LRP1B: variants seen among roughly 807,000 people sequenced by gnomAD.
The protein encoded by LRP1B is low-density lipoprotein receptor-related protein 1B.
In LRP1B, 217 loss-of-function variants were observed where a neutral mutation model predicts 556.6. The observed-to-expected ratio is 0.39, with a 90% CI of 0.35 to 0.44. The LOEUF (loss-of-function observed/expected upper bound fraction) is 0.44. LRP1B is among the 20% of genes least tolerant of loss of function. The pLI is 1.00. For synonymous variants in LRP1B, 2,047 were observed against 1,865.8 expected, an observed-to-expected ratio of 1.10 and a Z score of -2.50; for missense variants, 5,053 against 5,620.8, an observed-to-expected ratio of 0.90 and a Z score of 3.23.
rs188021955 is a variant in LRP1B at position 140,768,440 on chromosome 2, C to A, written c.5758+773G>T. Among the ~76,000 whole-genome samples the A allele has an allele frequency of 2.8e-3, 420 of 151,928 alleles. 2 individuals are homozygous for A. Among genetic ancestry groups the A allele is most frequent in the Non-Finnish European group, 4.1e-3 (276 of 67,848 alleles). On this transcript the variant is annotated intron_variant, in intron 35 of 90. Transcript: ENST00000389484. ...CATGTTCAACATTAAAACATTAATTCAGAAAACATACGATTTAGCATTTAT... is the reference window on the plus strand; with the variant it reads ...CATGTTCAACATTAAAACATTAATTAAGAAAACATACGATTTAGCATTTAT...
At chr2:141,125,860 AAC>A (rs1553463688) in intron 7 of LRP1B, among the ~76,000 whole-genome samples, 2 of 150,524 alleles carry the variant, frequency 1.3e-5, no homozygotes, top group African/African-American at 4.9e-5. Context: ...AAAAAAAAAA[AAC>A]AAAAAACCTC....
intron 1 of LRP1B, among the ~76,000 whole-genome samples, chr2:142,043,458 A>C (rs1301669303): frequency 6.6e-6 from 1 of 151,764 alleles, no homozygotes; most frequent in East Asian, 1.9e-4. Flanking sequence ...GCAATAAAGC[A>C]TCCCTTTTTT....
chr2:142,086,885 A>C (rs1705958472), intron 1 of LRP1B, among the ~76,000 whole-genome samples: 1 of 152,134 alleles, frequency 6.6e-6, no homozygotes, highest in Non-Finnish European at 1.5e-5. Flanking sequence ...TCACGAAAGC[A>C]ATATTCCTTA....
At chr2:141,076,667 A>C (rs1699794017) in intron 7 of LRP1B, among the ~76,000 whole-genome samples, 1 of 152,188 alleles carries the variant, frequency 6.6e-6, no homozygotes, top group Admixed American at 6.5e-5. Flanking sequence ...TAATAGCAAA[A>C]TATTAGAAAC....
intron 18 of LRP1B, among the ~76,000 whole-genome samples, chr2:140,976,764 G>C (rs1224836248): frequency 6.6e-6 from 1 of 151,886 alleles, no homozygotes; most frequent in African/African-American, 2.4e-5. Flanking sequence ...ACCTACCTCA[G>C]CTTCCCAAAG....
At chr2:140,908,339 A>C (rs947626717) in intron 21 of LRP1B, among the ~76,000 whole-genome samples, 19 of 129,982 alleles carry the variant, frequency 1.5e-4, no homozygotes, top group Non-Finnish European at 2.5e-4. Context: ...CTCTCTATAT[A>C]TATATACATA....
intron 2 of LRP1B, among the ~76,000 whole-genome samples, chr2:141,640,106 AC>A (rs1167202206): frequency 2.0e-5 from 3 of 152,164 alleles, no homozygotes; most frequent in African/African-American, 7.2e-5. Flanking sequence ...ATAACGAAAA[AC>A]AGCAAACCAA....
At chr2:140,923,254 C>T in intron 20 of LRP1B, 107 bp from the exon 21 acceptor site, 2 of 784,472 alleles carry the variant, frequency 2.5e-6, no homozygotes, top group Non-Finnish European at 2.0e-6. Flanking sequence ...TTTCTTCAGG[C>T]ATTATTATAA....
At chr2:140,791,354 AG>A (rs1412869879) in intron 32 of LRP1B, among the ~76,000 whole-genome samples, 1 of 152,104 alleles carries the variant, frequency 6.6e-6, no homozygotes, top group Non-Finnish European at 1.5e-5. Context: ...ACCTGAGCCC[AG>A]GGTGTTGAGG....
At chr2:140,798,419 A>C (rs1690391982) in intron 32 of LRP1B, among the ~76,000 whole-genome samples, 1 of 152,146 alleles carries the variant, frequency 6.6e-6, no homozygotes, top group Non-Finnish European at 1.5e-5. Flanking sequence ...TTTACAAGAA[A>C]CTTTTATACC....
intron 2 of LRP1B, among the ~76,000 whole-genome samples, chr2:141,546,872 T>C (rs1208051650): frequency 6.6e-6 from 1 of 152,212 alleles, no homozygotes; most frequent in African/African-American, 2.4e-5. Flanking sequence ...AATTATTCTG[T>C]TTCTTTCACT....
intron 1 of LRP1B, among the ~76,000 whole-genome samples, chr2:142,005,887 AAAAAAAAAAAG>A (rs994584820): frequency 1.7e-4 from 24 of 138,772 alleles, no homozygotes; most frequent in Non-Finnish European, 2.0e-4. Flanking sequence ...TCCTCTCATG[AAAAAAAAAAAG>A]AAAAAAAAAA....
chr2:140,374,591 G>T (rs748825134), intron 68 of LRP1B, among the ~76,000 whole-genome samples: 1 of 152,106 alleles, frequency 6.6e-6, no homozygotes, highest in Non-Finnish European at 1.5e-5. Context: ...TTTATTCACC[G>T]CTGTATTCTC....
intron 3 of LRP1B, among the ~76,000 whole-genome samples, chr2:141,403,850 C>CAG (rs1690533889): frequency 6.6e-6 from 1 of 152,136 alleles, no homozygotes; most frequent in Non-Finnish European, 1.5e-5. Flanking sequence ...GACTTCAAGG[C>CAG]AGAGGCCAGT....
At chr2:140,640,413 T>TTG in intron 41 of LRP1B, among the ~76,000 whole-genome samples, 1 of 112,830 alleles carries the variant, frequency 8.9e-6, no homozygotes, top group Non-Finnish European at 1.8e-5. Context: ...TTTTTTTTTT[T>TTG]GAGATGGCGT....
chr2:140,665,814 T>C (rs1685246657), intron 41 of LRP1B, among the ~76,000 whole-genome samples: 1 of 152,076 alleles, frequency 6.6e-6, no homozygotes. Flanking sequence ...GTAACTTATC[T>C]AAGAATAATT....
chr2:142,080,482 A>G (rs1330648091), intron 1 of LRP1B, among the ~76,000 whole-genome samples: 1 of 152,190 alleles, frequency 6.6e-6, no homozygotes, highest in Non-Finnish European at 1.5e-5. Flanking sequence ...CTTTGTTACC[A>G]TTCAGCATTA....
intron 66 of LRP1B, among the ~76,000 whole-genome samples, chr2:140,393,653 CAATAAATA>C (rs528045484): frequency 5.3e-5 from 8 of 150,946 alleles, no homozygotes; most frequent in South Asian, 2.1e-4. Context: ...TGTTGGTTAC[CAATAAATA>C]AATAAATAAA....
At chr2:141,471,853 T>C (rs1682486261) in intron 3 of LRP1B, among the ~76,000 whole-genome samples, 1 of 152,218 alleles carries the variant, frequency 6.6e-6, no homozygotes, top group African/African-American at 2.4e-5. Context: ...CTTTTTGGCC[T>C]CATACTCATT....
Sources: gnomAD v4.1 joint callset for allele counts (sites outside exome capture counted in the v4.1 genomes callset) on GRCh38, gnomAD v4.1.1 for gene constraint, MANE v1.5 for transcripts, NCBI Gene and HGNC (gene_info 2026-07-23, HGNC 2026-07-21) for gene names.